ORC4: variants seen among roughly 807,000 people sequenced by gnomAD.
The protein encoded by ORC4 is origin recognition complex subunit 4.
A neutral mutation model predicts 63.9 loss-of-function variants in ORC4; 55 were observed. The observed-to-expected ratio is 0.86, with a 90% CI of 0.69 to 1.08. ORC4 has a LOEUF of 1.08. Ranked by LOEUF, ORC4 falls within the 50% of genes least tolerant of loss-of-function variation. The probability of loss-of-function intolerance (pLI) is 0.00; values close to 1 mark genes in which losing one functional copy is unlikely to be tolerated. For synonymous variants in ORC4, 150 were observed against 168.5 expected, an observed-to-expected ratio of 0.89 and a Z score of 0.85; for missense variants, 511 against 504.4, an observed-to-expected ratio of 1.01 and a Z score of -0.13.
In ORC4 at chr2:147,996,400, C is replaced by T. The variant is rs375062063; in HGVS notation, c.-17-20425G>A. Among the ~76,000 whole-genome samples, 161 of 152,086 alleles carry T rather than the reference C, an allele frequency of 1.1e-3. 2 individuals carry two copies. In the South Asian group the frequency reaches 0.033, roughly 31 times the overall value. Reference sequence around the variant, plus strand: ...GGCCATGTGTTTTTAGATACAACACCGAAAGTACAATCCATGAAAGAAAAT... The same window carrying T: ...GGCCATGTGTTTTTAGATACAACACTGAAAGTACAATCCATGAAAGAAAAT... On this transcript the variant is annotated intron_variant, in intron 1 of 13. Coordinates refer to ENST00000392857, the MANE Select transcript of ORC4 (RefSeq NM_181741.4).
intron 1 of ORC4, among the ~76,000 whole-genome samples, chr2:147,985,190 GTTTT>G (rs939385077): frequency 2.6e-5 from 4 of 151,430 alleles, no homozygotes; most frequent in African/African-American, 9.7e-5. Flanking sequence ...TAAACTCTCT[GTTTT>G]TTTTGTTTTT....
At chr2:147,978,921 TA>T (rs1690713329) in intron 1 of ORC4, among the ~76,000 whole-genome samples, 3 of 152,164 alleles carry the variant, frequency 2.0e-5, no homozygotes, top group Admixed American at 2.0e-4. Flanking sequence ...CCTTCAGGTT[TA>T]AAAACTGTCA....
In ORC4 at chr2:147,939,200, C is replaced by T. The variant is rs375326113; in HGVS notation, c.898G>A (p.Val300Ile). Residue 300 changes from valine (V) to isoleucine (I), a missense_variant, in exon 11 of 14, where the codon GTA becomes ATA. Transcript: ENST00000392857. ...AGTTGGCTTGCTTCCATTAGATCTA[C>T]GGCAGTCATAAATGGGTGCGATGCT... is the stretch of plus-strand genomic sequence containing the variant. ...VTASHPFMTA[V>I]DLMEASQLCS... The T allele has an allele frequency of 1.6e-5, 25 of 1,612,886 alleles. No homozygotes were observed. The East Asian group carries it at 2.5e-4, about 16-fold the overall frequency.
In ORC4 at chr2:148,003,143, C is replaced by T. The variant is rs554881958; in HGVS notation, c.-18+17490G>A. ...AATAGCCTACCAACCAAAAAAAAGC[C>T]CAGGACCAGATGGATTCACAGACAA... On this transcript the variant is annotated intron_variant, in intron 1 of 13. Transcript: ENST00000392857. Among the ~76,000 whole-genome samples the T allele has an allele frequency of 2.0e-5, 3 of 152,188 alleles. No individual in the cohort carries two copies. The South Asian group carries it at 6.2e-4, about 32-fold the overall frequency.
At chr2:147,936,373 T>C (rs902748963) in intron 13 of ORC4, 19 of 152,298 alleles carry the variant, frequency 1.2e-4, no homozygotes, top group African/African-American at 3.9e-4. Context: ...TCACCTATTA[T>C]ATCTTTTCTA....
At chr2:147,993,717 G>A (rs1429669507) in intron 1 of ORC4, among the ~76,000 whole-genome samples, 3 of 152,018 alleles carry the variant, frequency 2.0e-5, no homozygotes, top group Admixed American at 2.0e-4. Flanking sequence ...AAAAATTAGG[G>A]GGTTGGGGGC....
chr2:147,975,405 T>C (rs564201348), intron 2 of ORC4, among the ~76,000 whole-genome samples: 1 of 152,184 alleles, frequency 6.6e-6, no homozygotes, highest in South Asian at 2.1e-4. Flanking sequence ...TGAATGCTGC[T>C]GTTTCTCTAA....
intron 9 of ORC4, among the ~76,000 whole-genome samples, chr2:147,944,247 A>G (rs1458368881): frequency 6.6e-6 from 1 of 152,140 alleles, no homozygotes. Context: ...GGGAAACAAA[A>G]TGGCCTGTGA....
chr2:147,970,220 A>G (rs1394849154), intron 4 of ORC4, among the ~76,000 whole-genome samples: 2 of 152,224 alleles, frequency 1.3e-5, no homozygotes, highest in Non-Finnish European at 1.5e-5. Context: ...TAGATACTCC[A>G]AGAACGGGAA....
chr2:148,006,016 A>C (rs1461027540), intron 1 of ORC4, among the ~76,000 whole-genome samples: 1 of 152,084 alleles, frequency 6.6e-6, no homozygotes, highest in African/African-American at 2.4e-5. Context: ...ACAAACAAAA[A>C]ATCCAAAATC....
chr2:147,938,709 T>A, intron 11 of ORC4: 1 of 351,662 alleles, frequency 2.8e-6, no homozygotes, highest in South Asian at 3.0e-5. Context: ...GTTATGTGAC[T>A]TTAAATCACA....
chr2:147,997,265 G>T (rs1036901007), intron 1 of ORC4, among the ~76,000 whole-genome samples: 1 of 152,080 alleles, frequency 6.6e-6, no homozygotes, highest in African/African-American at 2.4e-5. Context: ...GAAAAGAGAA[G>T]TATGGAACAT....
intron 1 of ORC4, among the ~76,000 whole-genome samples, chr2:148,012,703 A>G (rs1448983008): frequency 6.6e-6 from 1 of 152,056 alleles, no homozygotes; most frequent in African/African-American, 2.4e-5. Context: ...TATCTGACAA[A>G]GGATTAATAA....
At chr2:148,021,429 G>A (rs958944702), upstream of ORC4, 2 of 547,848 alleles carry the variant, frequency 3.7e-6, no homozygotes, top group East Asian at 4.9e-5. Context: ...GAAACCAAAA[G>A]CCTCTTAGCA....
At chr2:147,995,006 T>C (rs1358781946) in intron 1 of ORC4, among the ~76,000 whole-genome samples, 9 of 152,122 alleles carry the variant, frequency 5.9e-5, no homozygotes, top group Non-Finnish European at 7.4e-5. Context: ...AATGCACCAA[T>C]CAGCACTCAA....
intron 1 of ORC4, among the ~76,000 whole-genome samples, chr2:147,989,638 C>T (rs745397205): frequency 5.3e-5 from 8 of 152,006 alleles, no homozygotes; most frequent in East Asian, 3.9e-4. Flanking sequence ...ACCCAGGAGG[C>T]GGAGGTTGCA....
intron 1 of ORC4, among the ~76,000 whole-genome samples, 191 bp downstream of exon 1, chr2:148,020,442 G>A (rs1351768991): frequency 6.6e-6 from 1 of 152,096 alleles, no homozygotes; most frequent in Non-Finnish European, 1.5e-5. Context: ...CGGGGCGGGA[G>A]TGGCCACAAG....
intron 1 of ORC4, among the ~76,000 whole-genome samples, chr2:147,978,822 T>A (rs1690708615): frequency 6.6e-6 from 1 of 152,178 alleles, no homozygotes; most frequent in South Asian, 2.1e-4. Flanking sequence ...AATCTATAAA[T>A]GTGATATAAT....
intron 9 of ORC4, among the ~76,000 whole-genome samples, chr2:147,947,152 A>C (rs10460259): frequency 0.33 from 49,423 of 151,752 alleles, 8,287 homozygotes; most frequent in East Asian, 0.51. Context: ...CTTTTTATAG[A>C]GTCAGTGAAT....
Sources: gnomAD v4.1 joint callset for allele counts (sites outside exome capture counted in the v4.1 genomes callset) on GRCh38, gnomAD v4.1.1 for gene constraint, MANE v1.5 for transcripts, NCBI Gene and HGNC (gene_info 2026-07-23, HGNC 2026-07-21) for gene names.